NTNG2: variants seen among roughly 807,000 people sequenced by gnomAD.
NTNG2 encodes the protein netrin G2, also known as netrin-G2.
In NTNG2, 15 loss-of-function variants were observed where a neutral mutation model predicts 47.6. The observed-to-expected ratio is 0.32, with a 90% CI of 0.21 to 0.49. The LOEUF (loss-of-function observed/expected upper bound fraction) is 0.49. Among genes scored for constraint, NTNG2 ranks in the 20% least tolerant of loss-of-function variants. The pLI is 0.99. For synonymous variants in NTNG2, 307 were observed against 324.6 expected (o/e 0.95, Z 0.58); for missense variants, 578 against 764.6 (o/e 0.76, Z 2.88).
At position 132,182,078 on chromosome 9, in the gene NTNG2, G is replaced by A. The variant is rs190260133; in HGVS notation, c.213+15034G>A. ...AGAAGGGAGGGCCCGGAGGAGTGAC[G>A]GTGTTCCCCACCCCCTGCCCTTTGA... On this transcript the variant is annotated intron_variant, in intron 2 of 7. Coordinates refer to ENST00000393229, the MANE Select transcript of NTNG2 (RefSeq NM_032536.4). This position sits in a 1 kb window ranked among gnomAD's most constrained non-coding sequence, Gnocchi z 4.2. 5.9e-5 allele frequency among the ~76,000 whole-genome samples: 9 copies of A among 152,332 alleles called. No homozygotes were observed. Among genetic ancestry groups the A allele is most frequent in the African/African-American group, 1.9e-4 (8 of 41,568 alleles).
At chr9:132,234,550 C>T (rs1028245814) in intron 5 of NTNG2, among the ~76,000 whole-genome samples, 3 of 152,232 alleles carry the variant, frequency 2.0e-5, no homozygotes, top group Non-Finnish European at 4.4e-5. Context: ...ACAGGTGCTT[C>T]GGGCTCTTTG....
At chr9:132,164,025 ACT>A (rs1004725217) in intron 1 of NTNG2, among the ~76,000 whole-genome samples, 2 of 151,364 alleles carry the variant, frequency 1.3e-5, no homozygotes, top group African/African-American at 4.9e-5. Flanking sequence ...CCGACTCCTC[ACT>A]CTCTGCGCTC....
intron 3 of NTNG2, among the ~76,000 whole-genome samples, chr9:132,224,467 C>T (rs1406155836): frequency 6.6e-6 from 1 of 152,164 alleles, no homozygotes; most frequent in African/African-American, 2.4e-5. Flanking sequence ...TTTATCCTCC[C>T]TCCCTGTCCC....
chr9:132,192,943 G>A (rs1838009640), intron 2 of NTNG2, among the ~76,000 whole-genome samples: 2 of 152,214 alleles, frequency 1.3e-5, no homozygotes, highest in South Asian at 2.1e-4. Context: ...GGCGGGGGCC[G>A]GAGTGCCCCA....
chr9:132,162,024 G>C (rs1835069090), upstream of NTNG2: 2 of 149,312 alleles, frequency 1.3e-5, no homozygotes, highest in Admixed American at 1.3e-4. The surrounding 1 kb of genome is among the most constrained non-coding windows in gnomAD (Gnocchi z 4.6). Context: ...GGCTGCGGGC[G>C]GCCCCCCCGG....
chr9:132,241,139 C>T (rs1260564260), intron 7 of NTNG2, 95 bp downstream of exon 7: 4 of 1,007,842 alleles, frequency 4.0e-6, no homozygotes, highest in East Asian at 7.8e-5. Flanking sequence ...GGGGCAGGGG[C>T]GGTGGACTGG....
chr9:132,164,667 A>T (rs1224988744), intron 1 of NTNG2, among the ~76,000 whole-genome samples: 1 of 152,256 alleles, frequency 6.6e-6, no homozygotes, highest in Non-Finnish European at 1.5e-5. Context: ...GTTTTCTAGC[A>T]AGGAGCGCCT....
rs147081993 is a variant in NTNG2 at position 132,216,244 on chromosome 9, G to T, written c.858-10605G>T. Among the ~76,000 whole-genome samples the T allele has an allele frequency of 2.0e-3, 311 of 152,270 alleles. 1 individual carries two copies. Among genetic ancestry groups the T allele is most frequent in the African/African-American group, 7.2e-3 (299 of 41,536 alleles). ...TCCCCTTCCTCCCTTGCTTCTTTCT[G>T]CAAACATTGAGCACCTACTGTGTGC... On this transcript the variant is annotated intron_variant, in intron 3 of 7. Coordinates refer to ENST00000393229, the MANE Select transcript of NTNG2 (RefSeq NM_032536.4).
Position 132,228,732 on chromosome 9 carries a change from G to A in NTNG2, c.1030+1711G>A, listed in dbSNP as rs118155182. Among the ~76,000 whole-genome samples, 301 of 152,120 alleles carry A rather than the reference G, an allele frequency of 2.0e-3. 1 individual carries two copies. The highest frequency in any genetic ancestry group is 3.5e-3 in the Non-Finnish European group (236 of 67,978). ...ACCACCAGGCCCAGCTAATTTTCGTGTTTTTTTCAGAGAAAAGGTTTTGCC... is the reference window on the plus strand; with the variant it reads ...ACCACCAGGCCCAGCTAATTTTCGTATTTTTTTCAGAGAAAAGGTTTTGCC... On this transcript the variant is annotated intron_variant, in intron 4 of 7. Transcript: ENST00000393229.
rs1014506928 is a variant in NTNG2 at position 132,182,471 on chromosome 9, TG to T, written c.213+15433del. Among the ~76,000 whole-genome samples the T allele has an allele frequency of 4.0e-5, 6 of 151,760 alleles. No homozygotes were observed. Among genetic ancestry groups the T allele is most frequent in the African/African-American group, 1.5e-4 (6 of 41,270 alleles). On this transcript the variant is annotated intron_variant, in intron 2 of 7. Coordinates refer to ENST00000393229, the MANE Select transcript of NTNG2 (RefSeq NM_032536.4). This position sits in a 1 kb window ranked among gnomAD's most constrained non-coding sequence, Gnocchi z 4.2. ...ACTGGAAGGAGGAGGCCCAAGTGGG[TG>T]GGGGGCTGGGTGGCCTTCCTTGCTG...
chr9:132,235,866 C>A (rs1399566965), intron 5 of NTNG2, among the ~76,000 whole-genome samples: 1 of 152,132 alleles, frequency 6.6e-6, no homozygotes, highest in Non-Finnish European at 1.5e-5. Context: ...CAACTGAGGG[C>A]ACGGGTGTAG....
intron 3 of NTNG2, among the ~76,000 whole-genome samples, chr9:132,214,173 C>G (rs566579177): frequency 1.3e-5 from 2 of 152,364 alleles, no homozygotes; most frequent in East Asian, 1.9e-4. Flanking sequence ...TCACTCTTTC[C>G]GGCAGCCAGG....
intron 5 of NTNG2, 127 bp downstream of exon 5, chr9:132,230,722 CT>C: frequency 1.1e-6 from 1 of 926,604 alleles, no homozygotes; most frequent in Non-Finnish European, 1.7e-6. Context: ...TATTCACTCC[CT>C]CCTCTAATTA....
chr9:132,234,645 C>A (rs958802294), intron 5 of NTNG2, among the ~76,000 whole-genome samples: 1 of 152,216 alleles, frequency 6.6e-6, no homozygotes. Flanking sequence ...GACAGCGCTG[C>A]GGGCGGAAAA....
chr9:132,185,101 G>C (rs1837256751), intron 2 of NTNG2, among the ~76,000 whole-genome samples: 1 of 152,074 alleles, frequency 6.6e-6, no homozygotes, highest in African/African-American at 2.4e-5. Flanking sequence ...AGAGGGGTCG[G>C]TGGAGGCCCC....
Position 132,239,107 on chromosome 9 carries a change from G to A in NTNG2, c.1058G>A (p.Cys353Tyr). Reference protein sequence around the residue: ...ACATAGSFGNCECYGHSNRCS... With the variant: ...ACATAGSFGNYECYGHSNRCS... ...TTCTCCCACTTGGCCGGCCCAGACT[G>A]CGAATGCTACGGTCACTCCAACCGC... Residue 353 changes from cysteine to tyrosine, a missense_variant, in exon 6 of 8, where the codon TGC becomes TAC. Coordinates refer to ENST00000393229, the MANE Select transcript of NTNG2 (RefSeq NM_032536.4). 6.2e-7 allele frequency: 1 copy of A among 1,611,388 alleles called. No homozygotes were observed. Among genetic ancestry groups the A allele is most frequent in the East Asian group, 2.2e-5 (1 of 44,800 alleles).
intron 3 of NTNG2, among the ~76,000 whole-genome samples, chr9:132,204,462 G>A (rs1158800587): frequency 1.3e-5 from 2 of 152,112 alleles, no homozygotes; most frequent in East Asian, 1.9e-4. Context: ...AGGTGGGCGC[G>A]GGGAGGGGAG....
At chr9:132,239,015 T>C in intron 5 of NTNG2, 89 bp from the exon 6 acceptor site, 1 of 1,353,020 alleles carries the variant, frequency 7.4e-7, no homozygotes, top group Non-Finnish European at 1.1e-6. Context: ...CGTCCCTGCA[T>C]GACCTGGGGT....
At chr9:132,193,347 A>G (rs936447802) in intron 2 of NTNG2, among the ~76,000 whole-genome samples, 1 of 152,202 alleles carries the variant, frequency 6.6e-6, no homozygotes, top group South Asian at 2.1e-4. Flanking sequence ...ACTGTCCCCA[A>G]TAAGCACATT....
Sources: allele counts gnomAD v4.1 joint callset (sites outside exome capture counted in the v4.1 genomes callset), GRCh38; gene constraint gnomAD v4.1.1; non-coding constraint Gnocchi (gnomAD v3.1); transcripts MANE v1.5; gene names NCBI Gene and HGNC (gene_info 2026-07-23, HGNC 2026-07-21).